Variants in GTF3C3 observed in about 807,000 individuals in gnomAD.
The protein encoded by GTF3C3 is general transcription factor IIIC subunit 3, also known as general transcription factor 3C polypeptide 3.
GTF3C3 carries 75 observed loss-of-function variants against 105.2 expected under a neutral mutation model. The ratio of observed to expected loss-of-function variants is 0.71; its 90% CI spans 0.59 to 0.86. The LOEUF (loss-of-function observed/expected upper bound fraction) is 0.86, where lower values mean the gene tolerates loss of function less well. GTF3C3 is among the 40% of genes least tolerant of loss of function. The pLI is 0.00. For synonymous variants in GTF3C3, 335 were observed against 370.4 expected (o/e 0.90, Z 1.10); for missense variants, 856 against 1,076.5 (o/e 0.80, Z 2.87).
intron 8 of GTF3C3, chr2:196,780,972 G>C (rs1044511929): frequency 5.4e-6 from 1 of 186,668 alleles, no homozygotes; most frequent in African/African-American, 2.3e-5. Flanking sequence ...TTCTTGAATT[G>C]AAAAGTCTCT....
At position 196,763,145 on chromosome 2, in the gene GTF3C3, T is replaced by C. The variant is rs1440060719; in HGVS notation, c.*1418A>G. On this transcript the variant is annotated 3_prime_UTR_variant, in exon 18 of 18. Transcript: ENST00000263956. ...TCAGAGATAACATATCCAAAGTGTT[T>C]AGCACCATACTTAGCATACAGTAGC... 1 of 152,210 alleles carries C rather than the reference T, an allele frequency of 6.6e-6. No individual in the cohort carries two copies. The highest frequency in any genetic ancestry group is 1.5e-5 in the Non-Finnish European group (1 of 68,042). The allele number at this position is 152,210 out of a possible 1,614,324, so 9.4% of individuals were successfully genotyped here.
chr2:196,771,134 G>C (rs566296603), intron 15 of GTF3C3, among the ~76,000 whole-genome samples: 8 of 152,080 alleles, frequency 5.3e-5, no homozygotes, highest in African/African-American at 1.9e-4. Context: ...TTTAAAAGGA[G>C]ACTCTGCAAG....
chr2:196,799,192 A>T (rs1189985045), intron 1 of GTF3C3: 2 of 263,082 alleles, frequency 7.6e-6, no homozygotes, highest in Non-Finnish European at 1.5e-5. Flanking sequence ...TAGGACTAGA[A>T]CCTGAAACTG....
chr2:196,776,027 A>C lies in GTF3C3; in HGVS notation c.1678T>G (p.Leu560Val). 2.6e-6 allele frequency: 4 copies of C among 1,559,440 alleles called. No homozygotes were observed. The South Asian group carries it at 4.7e-5, about 18-fold the overall frequency. ...TTACCCACCTTTAAAAGCATGGCTA[A>C]CATAGTAAGTAAGGTATCCACATAA... ...YGYVDTLLTM[L>V]AMLLKVAMNR... The change falls in exon 12 of 18, where the codon TTA (leucine) becomes GTA (valine). Residue 560 changes from leucine to valine, a missense_variant. Leu to Val is a conservative substitution (Grantham distance 32, BLOSUM62 1). This residue lies in a region of GTF3C3 where 605 missense variants were observed against 833.6 expected (regional missense o/e 0.73). Coordinates refer to ENST00000263956, the MANE Select transcript of GTF3C3 (RefSeq NM_012086.5). This position sits in a 1 kb window ranked among gnomAD's most constrained non-coding sequence, Gnocchi z 4.5.
At chr2:196,766,068 A>G (rs1421582497) in intron 17 of GTF3C3, among the ~76,000 whole-genome samples, 11 of 152,102 alleles carry the variant, frequency 7.2e-5, no homozygotes, top group Non-Finnish European at 2.9e-5. Context: ...ATGAGTTTTA[A>G]AAGTTTGTTT....
chr2:196,794,768 TC>T (rs759923479), intron 2 of GTF3C3, among the ~76,000 whole-genome samples: 5 of 136,806 alleles, frequency 3.7e-5, no homozygotes, highest in African/African-American at 5.6e-5. Flanking sequence ...GGAGTCTCAC[TC>T]TGTCGCCCAG....
At chr2:196,769,475 A>C (rs1699131369) in intron 16 of GTF3C3, among the ~76,000 whole-genome samples, 1 of 152,082 alleles carries the variant, frequency 6.6e-6, no homozygotes, top group Non-Finnish European at 1.5e-5. Context: ...CAAGAAACAT[A>C]ATTTCAAATT....
intron 2 of GTF3C3, among the ~76,000 whole-genome samples, chr2:196,794,742 CTT>C (rs1219922050): frequency 7.3e-6 from 1 of 137,032 alleles, no homozygotes. Flanking sequence ...GCCAAAAACT[CTT>C]TTTTTTTTGA....
intron 15 of GTF3C3, 54 bp downstream of exon 15, chr2:196,771,694 A>C: frequency 1.6e-6 from 2 of 1,218,314 alleles, no homozygotes; most frequent in Non-Finnish European, 2.4e-6. Flanking sequence ...TCCAGAGGCT[A>C]GGCTCTTCAC....
Position 196,797,909 on chromosome 2 carries a change from CTG to C in GTF3C3, c.103-3_103-2del. 6.6e-7 allele frequency: 1 copy of C among 1,510,862 alleles called. No individual in the cohort carries two copies. The allele number at this position is 1,510,862 out of a possible 1,614,324, so 93.6% of individuals were successfully genotyped here. A position where few individuals can be genotyped will look rare whatever the true frequency, so the allele number is the denominator to read the frequency against. On this transcript the variant is annotated splice_acceptor_variant and splice_polypyrimidine_tract_variant and intron_variant, in intron 1 of 17. Coordinates refer to ENST00000263956, the MANE Select transcript of GTF3C3 (RefSeq NM_012086.5). LOFTEE classifies it high-confidence loss of function. Reference sequence around the variant, plus strand: ...ATAACTTGCCTTTTTCCTGAAGACTCTGTGATTGCAAATTAATTAATGATTCC... The same window carrying C: ...ATAACTTGCCTTTTTCCTGAAGACTCTGATTGCAAATTAATTAATGATTCC...
Position 196,773,163 on chromosome 2 carries a change from G to A in GTF3C3, c.1832-10C>T, listed in dbSNP as rs1347799278. 2 of 1,495,122 alleles carry A rather than the reference G, an allele frequency of 1.3e-6. No homozygotes were observed. The highest frequency in any genetic ancestry group is 1.8e-6 in the Non-Finnish European group (2 of 1,085,024). 92.6% of individuals were successfully genotyped at this position (1,495,122 alleles called of 1,614,324 possible). The stretch of plus-strand genomic sequence containing the variant: ...AGCACAGCAAATATTGCTAAAATGA[G>A]ACCAATGAAAACCAGTTAGGACACT... On this transcript the variant is annotated splice_polypyrimidine_tract_variant and intron_variant, in intron 13 of 17. Coordinates refer to ENST00000263956, the MANE Select transcript of GTF3C3 (RefSeq NM_012086.5).
At chr2:196,765,897 C>G (rs562542515) in intron 17 of GTF3C3, among the ~76,000 whole-genome samples, 74 of 151,016 alleles carry the variant, frequency 4.9e-4, no homozygotes, top group Admixed American at 2.4e-3. Context: ...GTAGTCCCAG[C>G]TACTCAGGAG....
rs1165142832 is a variant in GTF3C3 at position 196,785,549 on chromosome 2, G to A, written c.933C>T (p.Asn311=). 1 of 1,608,590 alleles carries A rather than the reference G, an allele frequency of 6.2e-7. No homozygotes were observed. Among genetic ancestry groups the A allele is most frequent in the Non-Finnish European group, 8.5e-7 (1 of 1,175,644 alleles). Residue 311 remains asparagine (N), a synonymous_variant, in exon 7 of 18, where the codon AAC becomes AAT. Transcript: ENST00000263956. ...YEANDVTSAI[N]IIDEAFSKHQ... is the part of the protein sequence containing the mutation. ...GTTTTGAGAAAGCTTCATCAATTATGTTAATAGCAGAAGTAACATCATTGG... is the reference window on the plus strand; with the variant it reads ...GTTTTGAGAAAGCTTCATCAATTATATTAATAGCAGAAGTAACATCATTGG...
Position 196,770,053 on chromosome 2 carries a change from A to C in GTF3C3, c.2261-14T>G, listed in dbSNP as rs1699144940. ...GCACATACTGTCCTGGAAAATAAGC[A>C]GTGGTGTCAGACGGTGTGACAAGAA... On this transcript the variant is annotated splice_polypyrimidine_tract_variant and intron_variant, in intron 15 of 17. Transcript: ENST00000263956. The C allele has an allele frequency of 6.6e-7, 1 of 1,506,632 alleles. No individual in the cohort carries two copies. Among genetic ancestry groups the C allele is most frequent in the Non-Finnish European group, 8.8e-7 (1 of 1,133,720 alleles). 93.3% of individuals were successfully genotyped at this position (1,506,632 alleles called of 1,614,324 possible).
chr2:196,789,453 T>C, intron 5 of GTF3C3, 84 bp from the exon 6 acceptor site: 5 of 840,540 alleles, frequency 5.9e-6, no homozygotes, highest in Non-Finnish European at 9.1e-6. Flanking sequence ...GAAAATTTAA[T>C]AAGCAAACTA....
intron 17 of GTF3C3, among the ~76,000 whole-genome samples, chr2:196,765,701 A>C (rs975032744): frequency 2.0e-5 from 3 of 151,680 alleles, no homozygotes; most frequent in Non-Finnish European, 4.4e-5. Flanking sequence ...TCATTTGTTT[A>C]AACTGAACAG....
chr2:196,767,473 T>A (rs1699087893), intron 16 of GTF3C3, among the ~76,000 whole-genome samples: 1 of 152,210 alleles, frequency 6.6e-6, no homozygotes, highest in Non-Finnish European at 1.5e-5. Flanking sequence ...TAAATCAATT[T>A]ATGAATATAG....
chr2:196,788,518 C>T (rs1699491605), intron 6 of GTF3C3, among the ~76,000 whole-genome samples: 1 of 152,138 alleles, frequency 6.6e-6, no homozygotes, highest in African/African-American at 2.4e-5. Flanking sequence ...TATATACTGG[C>T]TCAAGATAAA....
chr2:196,770,797 T>TATCA (rs2125739630), intron 15 of GTF3C3, among the ~76,000 whole-genome samples: 1 of 152,350 alleles, frequency 6.6e-6, no homozygotes, highest in South Asian at 2.1e-4. Context: ...GCCATTTGTC[T>TATCA]ATCATTTTAA....
Sources: allele counts gnomAD v4.1 joint callset (sites outside exome capture counted in the v4.1 genomes callset), GRCh38; gene constraint gnomAD v4.1.1; regional missense constraint gnomAD v4.1.1; non-coding constraint Gnocchi (gnomAD v3.1); transcripts MANE v1.5; gene names NCBI Gene and HGNC (gene_info 2026-07-23, HGNC 2026-07-21).